The following DHTKD1 variants were observed in gnomAD, a reference collection of about 807,000 sequenced individuals.
The protein encoded by DHTKD1 is 2-oxoadipate dehydrogenase complex component E1.
In DHTKD1, 78 loss-of-function variants were observed where a neutral mutation model predicts 101.8. The observed-to-expected ratio is 0.77, with a 90% CI of 0.64 to 0.93. The LOEUF (loss-of-function observed/expected upper bound fraction) is 0.93. Ranked by LOEUF, DHTKD1 falls within the 40% of genes least tolerant of loss-of-function variation. The probability of loss-of-function intolerance (pLI) is 0.00; values close to 1 mark genes in which losing one functional copy is unlikely to be tolerated. For synonymous variants in DHTKD1, 462 were observed against 450.3 expected, an observed-to-expected ratio of 1.03 and a Z score of -0.33; for missense variants, 1,223 against 1,161.7, an observed-to-expected ratio of 1.05 and a Z score of -0.77.
In DHTKD1 at chr10:12,074,786, G is replaced by C. The variant is rs141220854; in HGVS notation, c.154+5599G>C. Among the ~76,000 whole-genome samples, 13 of 152,058 alleles carry C rather than the reference G, an allele frequency of 8.5e-5. No homozygotes were observed. The East Asian group carries it at 2.5e-3, about 30-fold the overall frequency. On this transcript the variant is annotated intron_variant, in intron 1 of 16. Coordinates refer to ENST00000263035, the MANE Select transcript of DHTKD1 (RefSeq NM_018706.7). ...CTGGTGGCTCATGCCTGTCATCCCAGCACTTTGGGAGGCAGAGGTGGTATA... is the reference window on the plus strand; with the variant it reads ...CTGGTGGCTCATGCCTGTCATCCCACCACTTTGGGAGGCAGAGGTGGTATA...
chr10:12,109,886 C>T (rs1469817256), intron 12 of DHTKD1, among the ~76,000 whole-genome samples: 1 of 152,154 alleles, frequency 6.6e-6, no homozygotes, highest in Non-Finnish European at 1.5e-5. Context: ...TGGTTGATGA[C>T]TGCGGTTTTG....
At chr10:12,100,283 T>A in intron 9 of DHTKD1, 21 bp downstream of exon 9, 1 of 929,708 alleles carries the variant, frequency 1.1e-6, no homozygotes, top group Non-Finnish European at 1.5e-6. Context: ...TCTTTTTTTT[T>A]TCTGTTTTTT....
At chr10:12,100,287 G>GTTTTTTTGTTTTTTTTTTTTTTTTTT (rs1833143281) in intron 9 of DHTKD1, 25 bp downstream of exon 9, 1 of 248,604 alleles carries the variant, frequency 4.0e-6, no homozygotes, top group Non-Finnish European at 6.7e-6. Context: ...TTTTTTTTCT[G>GTTTTTTTGTTTTTTTTTTTTTTTTTT]TTTTTTTTTT....
rs1564395704 is a variant in DHTKD1, at chr10:12,103,523, G to GTATGTA, written c.1896+2343_1896+2344insATGTAT. 6.7e-6 allele frequency among the ~76,000 whole-genome samples: 1 copy of GTATGTA among 150,096 alleles called. No individual in the cohort carries two copies. Among genetic ancestry groups the GTATGTA allele is most frequent in the African/African-American group, 2.5e-5 (1 of 40,246 alleles). On this transcript the variant is annotated intron_variant, in intron 10 of 16. Coordinates refer to ENST00000263035, the MANE Select transcript of DHTKD1 (RefSeq NM_018706.7). This position sits in a 1 kb window ranked among gnomAD's most constrained non-coding sequence, Gnocchi z 4.8. ...TGTGTGTGTGTGTGTGTGTGTGTGT[G>GTATGTA]TGTGTATGTATGTGACAGGTCCTCC...
intron 1 of DHTKD1, among the ~76,000 whole-genome samples, chr10:12,071,536 C>A (rs1428602805): frequency 6.6e-6 from 1 of 152,066 alleles, no homozygotes; most frequent in African/African-American, 2.4e-5. Flanking sequence ...CTTTGGGAGG[C>A]CGAGGTGGGC....
chr10:12,092,880 T>G lies in DHTKD1; in HGVS notation c.1160-1193T>G, dbSNP rs576301611. ...TTATCTGTGGAAATTGGTAGGTTTT[T>G]TTGTTGTTGTTGTTGTTTTGAGAGT... On this transcript the variant is annotated intron_variant, in intron 6 of 16. Transcript: ENST00000263035. 1.9e-3 allele frequency among the ~76,000 whole-genome samples: 283 copies of G among 151,988 alleles called. 2 individuals are homozygous for G. Among genetic ancestry groups the G allele is most frequent in the African/African-American group, 6.2e-3 (258 of 41,458 alleles).
chr10:12,090,086 CACA>C (rs1832962610), intron 5 of DHTKD1, among the ~76,000 whole-genome samples: 1 of 151,924 alleles, frequency 6.6e-6, no homozygotes. Context: ...TTTTTGGTAA[CACA>C]ACAAGTATCT....
At chr10:12,095,807 C>T (rs1281676680) in intron 7 of DHTKD1, among the ~76,000 whole-genome samples, 2 of 36,752 alleles carry the variant, frequency 5.4e-5, no homozygotes, top group African/African-American at 1.6e-4. Context: ...AGCGAGACTC[C>T]GTCTCAAAAA....
chr10:12,108,527 G>A (rs919036910), intron 12 of DHTKD1, among the ~76,000 whole-genome samples: 1 of 152,060 alleles, frequency 6.6e-6, no homozygotes, highest in Admixed American at 6.6e-5. Flanking sequence ...TGATCTACCC[G>A]CCTCAGCTTC....
At chr10:12,094,310 A>T in intron 7 of DHTKD1, 39 bp downstream of exon 7, 4 of 1,555,950 alleles carry the variant, frequency 2.6e-6, no homozygotes, top group East Asian at 2.2e-5. Flanking sequence ...CCCCCTAAAA[A>T]TTAAAATTAC....
chr10:12,103,491 CTGTGTG>C lies in DHTKD1; in HGVS notation c.1896+2342_1896+2347del, dbSNP rs55809304. On this transcript the variant is annotated intron_variant, in intron 10 of 16. Coordinates refer to ENST00000263035, the MANE Select transcript of DHTKD1 (RefSeq NM_018706.7). The surrounding 1 kb of genome is among the most constrained non-coding windows in gnomAD (Gnocchi z 4.8). ...CCCCAACTTCGTTGTACATCTCAAT[CTGTGTG>C]TGTGTGTGTGTGTGTGTGTGTGTGT... Among the ~76,000 whole-genome samples, 4,271 of 144,524 alleles carry C rather than the reference CTGTGTG, an allele frequency of 0.03. 101 individuals are homozygous for C. Among genetic ancestry groups the C allele is most frequent in the African/African-American group, 0.061 (2,396 of 39,338 alleles). 94.8% of individuals were successfully genotyped at this position (144,524 alleles called of 152,430 possible).
chr10:12,082,758 G>A (rs1354924158), intron 2 of DHTKD1, among the ~76,000 whole-genome samples: 1 of 152,080 alleles, frequency 6.6e-6, no homozygotes, highest in Non-Finnish European at 1.5e-5. Context: ...TTGGAATATA[G>A]TGGTGATGCA....
At chr10:12,089,338 C>A in intron 5 of DHTKD1, 83 bp downstream of exon 5, 1 of 1,305,070 alleles carries the variant, frequency 7.7e-7, no homozygotes, top group South Asian at 1.3e-5. Flanking sequence ...AAGCACATGG[C>A]AGACATTCAT....
chr10:12,090,082 G>A (rs893095684), intron 5 of DHTKD1, among the ~76,000 whole-genome samples: 23 of 151,824 alleles, frequency 1.5e-4, no homozygotes, highest in African/African-American at 5.6e-4. Flanking sequence ...CCAGTTTTTG[G>A]TAACACAACA....
chr10:12,069,248 G>T (rs1156584178), intron 1 of DHTKD1, 61 bp downstream of exon 1: 9 of 1,181,778 alleles, frequency 7.6e-6, no homozygotes, highest in Non-Finnish European at 9.7e-6. Flanking sequence ...TCCCCTGGCC[G>T]ATTTGCGGTG....
chr10:12,121,167 C>T lies in DHTKD1; in HGVS notation c.*279C>T, dbSNP rs554895663. The T allele has an allele frequency of 2.8e-6, 1 of 353,274 alleles. No homozygotes were observed. Among genetic ancestry groups the T allele is most frequent in the African/African-American group, 2.2e-5 (1 of 46,046 alleles). The allele number at this position is 353,274 out of a possible 1,614,324, so 21.9% of individuals were successfully genotyped here. On this transcript the variant is annotated 3_prime_UTR_variant, in exon 17 of 17. Transcript: ENST00000263035. ...TCTGGGAGGCGGAGGTTGCAGTGAG[C>T]CAGGATCACACCATTGCTGTCCAGC... is the stretch of plus-strand genomic sequence containing the variant.
At chr10:12,104,195 T>C (rs954387401) in intron 10 of DHTKD1, among the ~76,000 whole-genome samples, 20 of 152,196 alleles carry the variant, frequency 1.3e-4, no homozygotes, top group African/African-American at 4.8e-4. Flanking sequence ...CTTCTTTTTT[T>C]TGAGACCAAG....
rs1342269196 is a variant in DHTKD1, at chr10:12,107,533, T to A, written c.2048-376T>A. Among the ~76,000 whole-genome samples the A allele has an allele frequency of 6.6e-6, 1 of 152,088 alleles. No individual in the cohort carries two copies. The highest frequency in any genetic ancestry group is 1.5e-5 in the Non-Finnish European group (1 of 68,028). Reference sequence around the variant, plus strand: ...CCCGGGGTCAAGTGATTCTCCCACCTCAGCCTCCCGAGTAGCTGGGACTAC... The same window carrying A: ...CCCGGGGTCAAGTGATTCTCCCACCACAGCCTCCCGAGTAGCTGGGACTAC... On this transcript the variant is annotated intron_variant, in intron 11 of 16. Coordinates refer to ENST00000263035, the MANE Select transcript of DHTKD1 (RefSeq NM_018706.7). This position sits in a 1 kb window ranked among gnomAD's most constrained non-coding sequence, Gnocchi z 4.1.
Position 12,117,473 on chromosome 10 carries a change from A to C in DHTKD1, c.2320-200A>C, listed in dbSNP as rs2658193. Among the ~76,000 whole-genome samples the C allele has an allele frequency of 0.87, 132,090 of 152,130 alleles. 57,562 individuals carry two copies. Among genetic ancestry groups the C allele is most frequent in the East Asian group, 0.98 (5,054 of 5,178 alleles). ...TGTTAAGATTCCAAAAGGCTATCTT[A>C]TGTAACCTCAGAAACATAGTTTTAC... On this transcript the variant is annotated intron_variant, in intron 13 of 16. Transcript: ENST00000263035.
Sources: allele counts gnomAD v4.1 joint callset (sites outside exome capture counted in the v4.1 genomes callset), GRCh38; gene constraint gnomAD v4.1.1; non-coding constraint Gnocchi (gnomAD v3.1); transcripts MANE v1.5; gene names NCBI Gene and HGNC (gene_info 2026-07-23, HGNC 2026-07-21).